SLC4A4: variants seen among roughly 807,000 people sequenced by gnomAD.
SLC4A4 encodes the protein solute carrier family 4 member 4.
Under a neutral mutation model 111.5 loss-of-function variants are expected in SLC4A4, and 27 were observed. The observed-to-expected ratio is 0.24, with a 90% CI of 0.18 to 0.33. The LOEUF (loss-of-function observed/expected upper bound fraction) is 0.33. Ranked by LOEUF, SLC4A4 falls within the 10% of genes least tolerant of loss-of-function variation. The pLI, the probability that SLC4A4 is intolerant of heterozygous loss-of-function variation, is 1.00. For synonymous variants in SLC4A4, 443 were observed against 463.4 expected, an observed-to-expected ratio of 0.96 and a Z score of 0.57; for missense variants, 909 against 1,315.5, an observed-to-expected ratio of 0.69 and a Z score of 4.78.
chr4:71,562,772 T>G (rs562892909), intron 23 of SLC4A4, among the ~76,000 whole-genome samples: 1 of 151,788 alleles, frequency 6.6e-6, no homozygotes, highest in Non-Finnish European at 1.5e-5. Flanking sequence ...ATTGTTTATG[T>G]GTGGCATCTT....
chr4:71,298,835 A>T (rs1381515764), intron 3 of SLC4A4, among the ~76,000 whole-genome samples: 3 of 152,188 alleles, frequency 2.0e-5, no homozygotes, highest in African/African-American at 7.2e-5. Flanking sequence ...GGCCTCGTAG[A>T]TGAGTGGCCA....
chr4:71,560,048 C>T (rs1365905784), intron 22 of SLC4A4, 45 bp from the exon 23 acceptor site: 1 of 1,472,918 alleles, frequency 6.8e-7, no homozygotes, highest in Non-Finnish European at 9.5e-7. Context: ...GCTGTGACTT[C>T]ATCTGACATG....
Position 71,534,232 on chromosome 4 carries a change from A to C in SLC4A4, c.2286A>C (p.Thr762=), listed in dbSNP as rs547038799. Reference sequence around the variant, plus strand: ...TGTCATCTGTCTTTTTCAAGCCAACAAGTCCAAACCGAGGTTGGTTCGTTC... The same window carrying C: ...TGTCATCTGTCTTTTTCAAGCCAACCAGTCCAAACCGAGGTTGGTTCGTTC... ...KLIVPSEFKP[T]SPNRGWFVPP... is the part of the protein sequence containing the mutation. Residue 762 remains threonine, a synonymous_variant, in exon 18 of 26, where the codon ACA becomes ACC. Coordinates refer to ENST00000264485, the MANE Select transcript of SLC4A4 (RefSeq NM_001098484.3). 1 of 1,613,580 alleles carries C rather than the reference A, an allele frequency of 6.2e-7. No homozygotes were observed. The highest frequency in any genetic ancestry group is 1.3e-5 in the African/African-American group (1 of 75,008).
At chr4:71,183,571 T>C (rs556520725), upstream of SLC4A4, among the ~76,000 whole-genome samples, 2 of 152,358 alleles carry the variant, frequency 1.3e-5, no homozygotes, top group South Asian at 4.1e-4. Context: ...GGTGACCTAT[T>C]ATCTATCGAT....
chr4:71,240,067 A>AATTGCTAATTACGTAGCAATTACGTAGTG (rs1245137399), intron 2 of SLC4A4, among the ~76,000 whole-genome samples: 29 of 152,156 alleles, frequency 1.9e-4, no homozygotes, highest in Non-Finnish European at 3.7e-4. Context: ...AGATGGGGGA[A>AATTGCTAATTACGTAGCAATTACGTAGTG]ATTGCTAATT....
intron 7 of SLC4A4, 95 bp downstream of exon 7, chr4:71,397,748 A>G (rs950390313): frequency 1.8e-6 from 2 of 1,098,656 alleles, no homozygotes; most frequent in African/African-American, 3.1e-5. Context: ...TTCACTTAAA[A>G]TGGACCTTTA....
At chr4:71,408,724 T>C (rs1721096069) in intron 7 of SLC4A4, among the ~76,000 whole-genome samples, 1 of 152,242 alleles carries the variant, frequency 6.6e-6, no homozygotes, top group South Asian at 2.1e-4. Flanking sequence ...CAAGTGTTAC[T>C]TTTTCTTTAT....
intron 3 of SLC4A4, among the ~76,000 whole-genome samples, chr4:71,275,302 T>C (rs1042218243): frequency 2.6e-5 from 4 of 152,150 alleles, no homozygotes; most frequent in African/African-American, 9.7e-5. Context: ...CATTTTTTTT[T>C]CCCTCCAAAA....
intron 2 of SLC4A4, among the ~76,000 whole-genome samples, chr4:71,127,150 G>A (rs896756096): frequency 3.3e-5 from 5 of 152,210 alleles, no homozygotes; most frequent in African/African-American, 1.2e-4. Flanking sequence ...GGAAGTGTAA[G>A]GAAGAAAATC....
rs1737864448 is a variant in SLC4A4 at position 71,570,501 on chromosome 4, T to C, written c.*2750T>C. 1 of 152,222 alleles carries C rather than the reference T, an allele frequency of 6.6e-6. No homozygotes were observed. The highest frequency in any genetic ancestry group is 2.1e-4 in the South Asian group (1 of 4,830). 9.4% of individuals were successfully genotyped at this position (152,222 alleles called of 1,614,324 possible). A position where few individuals can be genotyped will look rare whatever the true frequency, so the allele number is the denominator to read the frequency against. ...TCGGTATTTTAACTGAATTTACCCA[T>C]TGACTAAGAATGAACCAGATTTGGT... On this transcript the variant is annotated 3_prime_UTR_variant, in exon 26 of 26. Transcript: ENST00000264485.
At chr4:71,438,784 G>A (rs1052638262) in intron 7 of SLC4A4, among the ~76,000 whole-genome samples, 1 of 151,904 alleles carries the variant, frequency 6.6e-6, no homozygotes, top group Admixed American at 6.6e-5. Context: ...AAACAAGAAG[G>A]CTTAACCCAT....
chr4:71,294,065 A>G (rs1239664239), intron 3 of SLC4A4, among the ~76,000 whole-genome samples: 1 of 152,212 alleles, frequency 6.6e-6, no homozygotes, highest in African/African-American at 2.4e-5. Context: ...ACCTGACAAA[A>G]ACGTCCAGGA....
At chr4:71,406,281 G>C (rs1367373092) in intron 7 of SLC4A4, among the ~76,000 whole-genome samples, 1 of 151,308 alleles carries the variant, frequency 6.6e-6, no homozygotes, top group Non-Finnish European at 1.5e-5. Flanking sequence ...CTTTGAAGGA[G>C]TGTTGTCAAC....
At chr4:71,246,974 A>G (rs1720712622) in intron 2 of SLC4A4, among the ~76,000 whole-genome samples, 1 of 152,130 alleles carries the variant, frequency 6.6e-6, no homozygotes, top group South Asian at 2.1e-4. Context: ...CTGCTGTGTC[A>G]ATGAATGTCG....
intron 1 of SLC4A4, among the ~76,000 whole-genome samples, chr4:71,235,283 A>G (rs1292732877): frequency 6.6e-6 from 1 of 152,222 alleles, no homozygotes; most frequent in East Asian, 1.9e-4. Flanking sequence ...TGTGAGATGG[A>G]TATGCTTCTA....
At chr4:71,212,131 C>T (rs939950681) in intron 1 of SLC4A4, among the ~76,000 whole-genome samples, 1 of 152,174 alleles carries the variant, frequency 6.6e-6, no homozygotes, top group African/African-American at 2.4e-5. Context: ...AGAGTCATTC[C>T]AGCTTTCTGT....
At chr4:71,129,468 C>T (rs1159286373) in intron 2 of SLC4A4, among the ~76,000 whole-genome samples, 2 of 152,042 alleles carry the variant, frequency 1.3e-5, no homozygotes, top group African/African-American at 4.8e-5. Flanking sequence ...CAAAAAATAA[C>T]ATGCTGGCAA....
At chr4:71,209,395 G>A (rs553672633) in intron 1 of SLC4A4, among the ~76,000 whole-genome samples, 1 of 152,350 alleles carries the variant, frequency 6.6e-6, no homozygotes, top group Admixed American at 6.5e-5. Flanking sequence ...CTACAAGGAT[G>A]TTGCAAGAAC....
intron 12 of SLC4A4, among the ~76,000 whole-genome samples, chr4:71,456,356 A>T (rs188359781): frequency 2.0e-4 from 30 of 152,310 alleles, no homozygotes; most frequent in Admixed American, 1.1e-3. Context: ...AAAATTAATG[A>T]CTATGAATTT....
Sources: gnomAD v4.1 joint callset for allele counts (sites outside exome capture counted in the v4.1 genomes callset) on GRCh38, gnomAD v4.1.1 for gene constraint, MANE v1.5 for transcripts, NCBI Gene and HGNC (gene_info 2026-07-23, HGNC 2026-07-21) for gene names.